DTX1: variants seen among roughly 807,000 people sequenced by gnomAD.
DTX1 encodes E3 ubiquitin-protein ligase DTX1.
DTX1 carries 26 observed loss-of-function variants against 57.8 expected under a neutral mutation model. The ratio of observed to expected loss-of-function variants is 0.45; its 90% confidence interval spans 0.33 to 0.62. DTX1 has a LOEUF of 0.62. DTX1 is among the 20% of genes least tolerant of loss of function. The probability of loss-of-function intolerance (pLI) is 0.02; values close to 1 mark genes in which losing one functional copy is unlikely to be tolerated. For missense variants in DTX1, 704 were observed against 895.3 expected, an observed-to-expected ratio of 0.79 and a Z score of 2.73; for synonymous variants, 398 against 394.1, an observed-to-expected ratio of 1.01 and a Z score of -0.12.
intron 1 of DTX1, 22 bp downstream of exon 1, chr12:113,056,966 G>C (rs1383985735): frequency 6.6e-6 from 1 of 152,452 alleles, no homozygotes; most frequent in Non-Finnish European, 1.5e-5. Flanking sequence ...GGTGCTTAGG[G>C]ACCCCACCCC....
chr12:113,059,270 T>A (rs1157258214), intron 2 of DTX1, among the ~76,000 whole-genome samples: 2 of 151,990 alleles, frequency 1.3e-5, no homozygotes. Context: ...GTGACATTGA[T>A]AGTTGTGTTG....
At chr12:113,059,089 G>T (rs1342139235) in intron 2 of DTX1, among the ~76,000 whole-genome samples, 1 of 152,102 alleles carries the variant, frequency 6.6e-6, no homozygotes, top group Admixed American at 6.6e-5. Context: ...TGATGGTGGG[G>T]TGAGGTGGCA....
chr12:113,058,019 C>T lies in DTX1; in HGVS notation c.-174C>T, dbSNP rs774857509. 1.9e-4 allele frequency: 201 copies of T among 1,076,522 alleles called. No homozygotes were observed. Among genetic ancestry groups the T allele is most frequent in the Non-Finnish European group, 2.5e-4 (197 of 774,100 alleles). The allele number at this position is 1,076,522 out of a possible 1,614,324, so 66.7% of individuals were successfully genotyped here. Reference sequence around the variant, plus strand: ...GGGTCTTTGCAGCCTGGATGGCCATCCCACATTCCTTTAACGGAGGTCTCT... The same window carrying T: ...GGGTCTTTGCAGCCTGGATGGCCATTCCACATTCCTTTAACGGAGGTCTCT... On this transcript the variant is annotated 5_prime_UTR_variant, in exon 2 of 10. Coordinates refer to ENST00000548759, the MANE Select transcript of DTX1 (RefSeq NM_004416.3).
chr12:113,093,723 C>T lies in DTX1; in HGVS notation c.1165+23C>T. 6.2e-7 allele frequency: 1 copy of T among 1,611,378 alleles called. No individual in the cohort carries two copies. Among genetic ancestry groups the T allele is most frequent in the Non-Finnish European group, 8.5e-7 (1 of 1,178,458 alleles). Reference sequence around the variant, plus strand: ...AGAGTACGCCCTCCACGCCCTGCCTCACACGAGATGAACCCCACTAAGCCT... The same window carrying T: ...AGAGTACGCCCTCCACGCCCTGCCTTACACGAGATGAACCCCACTAAGCCT... On this transcript the variant is annotated intron_variant, in intron 5 of 9. Coordinates refer to ENST00000548759, the MANE Select transcript of DTX1 (RefSeq NM_004416.3). This position sits in a 1 kb window ranked among gnomAD's most constrained non-coding sequence, Gnocchi z 4.2.
chr12:113,057,953 C>G lies in DTX1; in HGVS notation c.-240C>G, dbSNP rs550717483. The stretch of plus-strand genomic sequence containing the variant: ...CCGGCATAAGAGAGACACTTGCTTT[C>G]CAGGGCAGCACCCTTTATCGGAGAA... On this transcript the variant is annotated 5_prime_UTR_variant, in exon 2 of 10. Coordinates refer to ENST00000548759, the MANE Select transcript of DTX1 (RefSeq NM_004416.3). 1.6e-6 allele frequency: 1 copy of G among 618,160 alleles called. No homozygotes were observed. The highest frequency in any genetic ancestry group is 2.7e-6 in the Non-Finnish European group (1 of 370,454). 38.3% of individuals were successfully genotyped at this position (618,160 alleles called of 1,614,324 possible).
chr12:113,087,797 A>T (rs1310028105), intron 3 of DTX1, among the ~76,000 whole-genome samples: 1 of 151,670 alleles, frequency 6.6e-6, no homozygotes, highest in Non-Finnish European at 1.5e-5. Flanking sequence ...GAAAGTAACA[A>T]GTCTAGGCCT....
chr12:113,087,785 G>A (rs2044873424), intron 3 of DTX1, among the ~76,000 whole-genome samples: 2 of 151,990 alleles, frequency 1.3e-5, no homozygotes, highest in Non-Finnish European at 2.9e-5. Context: ...ACTAGCATCA[G>A]AGAAAGTAAC....
intron 3 of DTX1, among the ~76,000 whole-genome samples, chr12:113,080,480 A>G (rs558304563): frequency 6.6e-6 from 1 of 152,304 alleles, no homozygotes; most frequent in Non-Finnish European, 1.5e-5. Context: ...TAAGAATTTG[A>G]GAACCTTCTC....
chr12:113,077,688 T>C lies in DTX1; in HGVS notation c.524T>C (p.Leu175Pro). 6.4e-7 allele frequency: 1 copy of C among 1,555,024 alleles called. No homozygotes were observed. Among genetic ancestry groups the C allele is most frequent in the Non-Finnish European group, 8.7e-7 (1 of 1,155,650 alleles). Residue 175 changes from leucine to proline, a missense_variant, in exon 3 of 10, where the codon CTC (leucine) becomes CCC (proline). Physicochemically the swap from Leu to Pro is moderately conservative, Grantham distance 98. Coordinates refer to ENST00000548759, the MANE Select transcript of DTX1 (RefSeq NM_004416.3). This position sits in a 1 kb window ranked among gnomAD's most constrained non-coding sequence, Gnocchi z 7.8. The part of the protein sequence containing the change: ...RRRRLRRRLD[L>P]AYPLTVGSIP... ...CGCCGCCTGCGCCGCCGCCTGGACC[T>C]CGCCTACCCGCTCACCGTGGGCTCC...
rs765708684 is a variant in DTX1 at position 113,095,218 on chromosome 12, C to T, written c.1548+15C>T. On this transcript the variant is annotated intron_variant, in intron 8 of 9. Coordinates refer to ENST00000548759, the MANE Select transcript of DTX1 (RefSeq NM_004416.3). ...CAGGCATCCAGGTGGGCTCCCCTTC[C>T]GCCTCTCTGGCCCCCAGCCCCCACA... 2.1e-5 allele frequency: 33 copies of T among 1,604,536 alleles called. No individual in the cohort carries two copies. In the East Asian group the frequency reaches 2.7e-4, roughly 13 times the overall value.
At chr12:113,063,827 A>T (rs2044682497) in intron 2 of DTX1, among the ~76,000 whole-genome samples, 1 of 152,190 alleles carries the variant, frequency 6.6e-6, no homozygotes, top group South Asian at 2.1e-4. Flanking sequence ...TACCACCCAG[A>T]TGGGAGGAGC....
chr12:113,094,715 C>T (rs1430590743), intron 6 of DTX1, 74 bp from the exon 7 acceptor site: 3 of 1,539,002 alleles, frequency 1.9e-6, no homozygotes, highest in East Asian at 4.7e-5. Flanking sequence ...TATGGTGACC[C>T]ACCAAGGGGC....
In DTX1 at chr12:113,087,068, A is replaced by G. The variant is rs115514062; in HGVS notation, c.942-6094A>G. ...TGACCGGTCCTCCCTGCCCCCAACCATCTCCTCCCGTTCCTTCCCCCGCAG... is the reference window on the plus strand; with the variant it reads ...TGACCGGTCCTCCCTGCCCCCAACCGTCTCCTCCCGTTCCTTCCCCCGCAG... On this transcript the variant is annotated intron_variant, in intron 3 of 9. Coordinates refer to ENST00000548759, the MANE Select transcript of DTX1 (RefSeq NM_004416.3). 3.6e-3 allele frequency among the ~76,000 whole-genome samples: 540 copies of G among 150,436 alleles called. 3 individuals carry two copies. Among genetic ancestry groups the G allele is most frequent in the African/African-American group, 0.013 (528 of 40,872 alleles).
rs760777788 is a variant in DTX1, at chr12:113,093,721, C to T, written c.1165+21C>T. On this transcript the variant is annotated intron_variant, in intron 5 of 9. Transcript: ENST00000548759. This position sits in a 1 kb window ranked among gnomAD's most constrained non-coding sequence, Gnocchi z 4.2. The stretch of plus-strand genomic sequence containing the variant: ...AAAGAGTACGCCCTCCACGCCCTGC[C>T]TCACACGAGATGAACCCCACTAAGC... 10 of 1,611,572 alleles carry T rather than the reference C, an allele frequency of 6.2e-6. No homozygotes were observed. Among genetic ancestry groups the T allele is most frequent in the African/African-American group, 2.7e-5 (2 of 75,020 alleles).
At chr12:113,059,300 T>C (rs1458591625) in intron 2 of DTX1, among the ~76,000 whole-genome samples, 3 of 151,862 alleles carry the variant, frequency 2.0e-5, no homozygotes, top group Admixed American at 1.3e-4. Flanking sequence ...CTGGAAGTGG[T>C]GTGATGGGGT....
intron 3 of DTX1, among the ~76,000 whole-genome samples, chr12:113,086,756 T>C (rs1001736808): frequency 1.3e-5 from 2 of 152,174 alleles, no homozygotes; most frequent in Admixed American, 6.5e-5. Context: ...TTTCAGGGGT[T>C]TGAAAATGTT....
intron 3 of DTX1, among the ~76,000 whole-genome samples, chr12:113,092,234 A>C (rs1303345026): frequency 6.6e-6 from 1 of 152,012 alleles, no homozygotes; most frequent in East Asian, 1.9e-4. Context: ...GACAGTGATG[A>C]TACCGATGGC....
chr12:113,094,839 C>T lies in DTX1; in HGVS notation c.1278C>T (p.Gly426=), dbSNP rs1372672612. The change falls in exon 7 of 10, where the codon GGC becomes GGT. Residue 426 remains glycine (G), a synonymous_variant. Transcript: ENST00000548759. ...ERLVTASGYE[G]VLRHKGVRPE... Reference sequence around the variant, plus strand: ...TGGTCACAGCATCAGGCTACGAGGGCGTGCTTCGGCACAAGGGCGTGCGGC... The same window carrying T: ...TGGTCACAGCATCAGGCTACGAGGGTGTGCTTCGGCACAAGGGCGTGCGGC... 61 of 1,613,690 alleles carry T rather than the reference C, an allele frequency of 3.8e-5. No individual in the cohort carries two copies. Among genetic ancestry groups the T allele is most frequent in the Non-Finnish European group, 5.0e-5 (59 of 1,179,966 alleles).
At chr12:113,084,518 T>A (rs1309803275) in intron 3 of DTX1, among the ~76,000 whole-genome samples, 3 of 152,142 alleles carry the variant, frequency 2.0e-5, no homozygotes, top group Non-Finnish European at 4.4e-5. Context: ...CCTAAGTAGC[T>A]GAGACTAAAG....
Sources: allele counts gnomAD v4.1 joint callset (sites outside exome capture counted in the v4.1 genomes callset), GRCh38; gene constraint gnomAD v4.1.1; non-coding constraint Gnocchi (gnomAD v3.1); transcripts MANE v1.5; gene names NCBI Gene and HGNC (gene_info 2026-07-23, HGNC 2026-07-21).